SPATA6L: variants seen among roughly 807,000 people sequenced by gnomAD.
SPATA6L encodes the protein spermatogenesis associated 6-like protein.
SPATA6L carries 68 observed loss-of-function variants against 49.2 expected under a neutral mutation model. The observed-to-expected ratio is 1.38, with a 90% CI of 1.14 to 1.69. SPATA6L has a LOEUF of 1.69. Among genes scored for constraint, SPATA6L ranks in the 40% most tolerant of loss-of-function variants. SPATA6L has a pLI of 0.00. For missense variants in SPATA6L, 668 were observed against 464.3 expected, an observed-to-expected ratio of 1.44 and a Z score of -4.03; for synonymous variants, 198 against 165.7, an observed-to-expected ratio of 1.19 and a Z score of -1.50.
At chr9:4,623,188 G>T (rs1435372250) in intron 6 of SPATA6L, among the ~76,000 whole-genome samples, 1 of 152,294 alleles carries the variant, frequency 6.6e-6, no homozygotes, top group East Asian at 1.9e-4. Context: ...GCTGAGGCAG[G>T]AGAATCGCTT....
chr9:4,606,610 A>C lies in SPATA6L; in HGVS notation c.996-1170T>G, dbSNP rs113218519. Reference sequence around the variant, plus strand: ...GTCCTGTTAGAAGGAAAACTAACAAACAGAAAGGACATCCACACCAAAAAC... The same window carrying C: ...GTCCTGTTAGAAGGAAAACTAACAACCAGAAAGGACATCCACACCAAAAAC... On this transcript the variant is annotated intron_variant, in intron 9 of 11. Coordinates refer to ENST00000682582, the MANE Select transcript of SPATA6L (RefSeq NM_001353486.2). Among the ~76,000 whole-genome samples, 13 of 41,158 alleles carry C rather than the reference A, an allele frequency of 3.2e-4. 1 individual carries two copies. Among genetic ancestry groups the C allele is most frequent in the Non-Finnish European group, 4.1e-4 (7 of 17,264 alleles). The allele number at this position is 41,158 out of a possible 152,430, so 27.0% of individuals were successfully genotyped here.
chr9:4,599,836 T>C lies in SPATA6L; in HGVS notation c.*975A>G, dbSNP rs577134467. Among the ~76,000 whole-genome samples, 8 of 152,294 alleles carry C rather than the reference T, an allele frequency of 5.3e-5. No homozygotes were observed. The highest frequency in any genetic ancestry group is 1.9e-4 in the African/African-American group (8 of 41,552). On this transcript the variant is annotated 3_prime_UTR_variant, in exon 12 of 12. Transcript: ENST00000682582. ...ACAAATGTTGAGGGGACACAAACAT[T>C]CACACTATAGTAGGGCTGGTAGAGG...
chr9:4,647,145 A>G (rs956030445), intron 3 of SPATA6L, among the ~76,000 whole-genome samples: 40 of 152,222 alleles, frequency 2.6e-4, no homozygotes, highest in African/African-American at 9.4e-4. Flanking sequence ...AGTGTATACA[A>G]TAAATAAATA....
chr9:4,638,436 C>T (rs1833281883), intron 3 of SPATA6L, among the ~76,000 whole-genome samples: 2 of 152,334 alleles, frequency 1.3e-5, no homozygotes, highest in South Asian at 4.1e-4. Flanking sequence ...TGCTCTGAAA[C>T]TCCTGACCTC....
At chr9:4,627,642 G>T in intron 5 of SPATA6L, 1 of 908,360 alleles carries the variant, frequency 1.1e-6, no homozygotes, top group Non-Finnish European at 1.5e-6. Context: ...TATGCAATAA[G>T]GTAAAAGCAA....
chr9:4,631,110 C>A (rs1831442665), intron 4 of SPATA6L, among the ~76,000 whole-genome samples: 1 of 152,206 alleles, frequency 6.6e-6, no homozygotes, highest in African/African-American at 2.4e-5. Flanking sequence ...GACCTCCACT[C>A]CTTGCAATGA....
intron 13 of SPATA6L, among the ~76,000 whole-genome samples, chr9:4,590,442 T>C (rs1317455661): frequency 1.3e-5 from 2 of 152,198 alleles, no homozygotes; most frequent in Non-Finnish European, 2.9e-5. Flanking sequence ...ATTTGGAAGG[T>C]GTCTCTCCAG....
intron 4 of SPATA6L, among the ~76,000 whole-genome samples, chr9:4,629,922 G>A (rs1396562908): frequency 1.3e-5 from 2 of 151,608 alleles, no homozygotes; most frequent in Non-Finnish European, 2.9e-5. Context: ...ATCCTTAATG[G>A]GTGAACAGAT....
chr9:4,660,851 A>G (rs1000441433), intron 2 of SPATA6L, among the ~76,000 whole-genome samples: 30 of 152,248 alleles, frequency 2.0e-4, no homozygotes, highest in Non-Finnish European at 4.3e-4. Context: ...CTATGCAGCC[A>G]TAAAAAAGGA....
chr9:4,663,099 T>C (rs755423475), intron 1 of SPATA6L: 2 of 1,614,008 alleles, frequency 1.2e-6, no homozygotes, highest in Admixed American at 3.3e-5. Flanking sequence ...GGTGGTTCTG[T>C]GGGCCTTCGT....
intron 3 of SPATA6L, among the ~76,000 whole-genome samples, chr9:4,638,865 A>G (rs1833426366): frequency 6.7e-6 from 1 of 149,986 alleles, no homozygotes; most frequent in Non-Finnish European, 1.5e-5. Context: ...GCTAACTGCA[A>G]CCTCCGCCTC....
rs113576039 is a variant in SPATA6L, at chr9:4,622,315, A to C, written c.772+93T>G. ...TTGAGAATTAGGCTCACAGTTCTGA[A>C]CATCACCTGTGATTCCTCAGAATGA... On this transcript the variant is annotated intron_variant, in intron 7 of 11. Transcript: ENST00000682582. 848 of 787,984 alleles carry C rather than the reference A, an allele frequency of 1.1e-3. 7 individuals are homozygous for C. The African/African-American group carries it at 0.013, about 12-fold the overall frequency. 48.8% of individuals were successfully genotyped at this position (787,984 alleles called of 1,614,324 possible).
chr9:4,631,161 C>T (rs1049145444), intron 4 of SPATA6L, among the ~76,000 whole-genome samples: 8 of 152,114 alleles, frequency 5.3e-5, no homozygotes, highest in South Asian at 4.1e-4. Flanking sequence ...TTTTTCATAC[C>T]GTGCTGTTTT....
In SPATA6L at chr9:4,639,740, C is replaced by A. The variant is rs567899728; in HGVS notation, c.227-4341G>T. On this transcript the variant is annotated intron_variant, in intron 3 of 11. Coordinates refer to ENST00000682582, the MANE Select transcript of SPATA6L (RefSeq NM_001353486.2). ...CAATGGCATCAACGAACTTCTCCCCCAAAAAGGAAACAAATGAGACTTTAA... is the reference window on the plus strand; with the variant it reads ...CAATGGCATCAACGAACTTCTCCCCAAAAAAGGAAACAAATGAGACTTTAA... 3.5e-4 allele frequency among the ~76,000 whole-genome samples: 54 copies of A among 152,278 alleles called. No individual in the cohort carries two copies. The East Asian group carries it at 0.01, about 28-fold the overall frequency.
intron 3 of SPATA6L, among the ~76,000 whole-genome samples, chr9:4,640,046 TTGCTATAAAAGCAC>T (rs1483448130): frequency 2.6e-5 from 4 of 152,210 alleles, no homozygotes; most frequent in African/African-American, 7.2e-5. Context: ...GTATAAAATA[TTGCTATAAAAGCAC>T]TGCTATAAAA....
At chr9:4,589,013 C>G (rs1448098324) in intron 13 of SPATA6L, 6 of 152,164 alleles carry the variant, frequency 3.9e-5, no homozygotes, top group Non-Finnish European at 8.8e-5. Flanking sequence ...CTGCTAGAAG[C>G]TTCTATGCAA....
At chr9:4,656,447 AG>A (rs762179001) in intron 2 of SPATA6L, among the ~76,000 whole-genome samples, 7,301 of 119,132 alleles carry the variant, frequency 0.061, 363 homozygotes, top group African/African-American at 0.11. Flanking sequence ...AAAGAAAGGA[AG>A]GAAGGAAGGA....
intron 3 of SPATA6L, among the ~76,000 whole-genome samples, chr9:4,654,525 G>C (rs755910553): frequency 6.6e-6 from 1 of 152,162 alleles, no homozygotes; most frequent in Non-Finnish European, 1.5e-5. Context: ...ATGTCGCAAG[G>C]ACAGAGGGCT....
rs529873880 is a variant in SPATA6L, at chr9:4,648,725, A to C, written c.226+7316T>G. Among the ~76,000 whole-genome samples the C allele has an allele frequency of 3.1e-4, 16 of 51,014 alleles. 1 individual carries two copies. The highest frequency in any genetic ancestry group is 5.0e-4 in the Non-Finnish European group (11 of 21,926). 33.5% of individuals were successfully genotyped at this position (51,014 alleles called of 152,430 possible). On this transcript the variant is annotated intron_variant, in intron 3 of 11. Coordinates refer to ENST00000682582, the MANE Select transcript of SPATA6L (RefSeq NM_001353486.2). ...GAAAAATAAATAAATTAAATAAATA[A>C]ATACATAAGTTCTTTAGTGGTGATC...
Sources: gnomAD v4.1 joint callset for allele counts (sites outside exome capture counted in the v4.1 genomes callset) on GRCh38, gnomAD v4.1.1 for gene constraint, MANE v1.5 for transcripts, NCBI Gene and HGNC (gene_info 2026-07-23, HGNC 2026-07-21) for gene names.